The following CLNK variants were observed in gnomAD, a reference collection of about 807,000 sequenced individuals.
CLNK encodes cytokine-dependent hematopoietic cell linker.
In CLNK, 74 loss-of-function variants were observed where a neutral mutation model predicts 68.6. The observed-to-expected ratio is 1.08, with a 90% confidence interval of 0.89 to 1.31. CLNK has a LOEUF of 1.31. Ranked by LOEUF, CLNK falls within the 50% of genes most tolerant of loss-of-function variation. The probability of loss-of-function intolerance (pLI) is 0.00; values close to 1 mark genes in which losing one functional copy is unlikely to be tolerated. For missense variants in CLNK, 553 were observed against 515.3 expected, an observed-to-expected ratio of 1.07 and a Z score of -0.71; for synonymous variants, 198 against 172.2, an observed-to-expected ratio of 1.15 and a Z score of -1.17.
intron 2 of CLNK, among the ~76,000 whole-genome samples, chr4:10,634,688 C>A (rs962167418): frequency 6.6e-6 from 1 of 152,212 alleles, no homozygotes; most frequent in Non-Finnish European, 1.5e-5. Flanking sequence ...TTTTGAAATA[C>A]CTGTCACTGC....
intron 1 of CLNK, among the ~76,000 whole-genome samples, chr4:10,673,094 C>A (rs1000159035): frequency 1.3e-5 from 2 of 152,214 alleles, no homozygotes; most frequent in African/African-American, 4.8e-5. Context: ...GCATCAATTT[C>A]TCTCTCAGGT....
intron 16 of CLNK, among the ~76,000 whole-genome samples, chr4:10,508,529 C>G (rs564229338): frequency 6.6e-6 from 1 of 152,146 alleles, no homozygotes; most frequent in Non-Finnish European, 1.5e-5. Context: ...CTCCCTGGGC[C>G]GCACTGCTTT....
intron 8 of CLNK, among the ~76,000 whole-genome samples, chr4:10,548,998 GT>G (rs1187381596): frequency 6.6e-6 from 1 of 152,154 alleles, no homozygotes; most frequent in Non-Finnish European, 1.5e-5. Flanking sequence ...GGTCTTTTGT[GT>G]TACTCAGGGT....
intron 4 of CLNK, among the ~76,000 whole-genome samples, chr4:10,574,642 C>A (rs1402911479): frequency 1.3e-5 from 2 of 152,096 alleles, no homozygotes; most frequent in Non-Finnish European, 2.9e-5. Flanking sequence ...AGGAGACCAC[C>A]CCTCATATTG....
chr4:10,605,035 A>C (rs1370640359), intron 2 of CLNK, among the ~76,000 whole-genome samples: 1 of 152,238 alleles, frequency 6.6e-6, no homozygotes, highest in Non-Finnish European at 1.5e-5. Context: ...TTCCTGAACA[A>C]GAAGAAATTA....
the CLNK span, among the ~76,000 whole-genome samples, chr4:10,725,860 A>C: frequency 6.6e-6 from 1 of 151,818 alleles, no homozygotes; most frequent in Admixed American, 6.6e-5. Context: ...TCTAAAAAAA[A>C]AAAAGAAAAA....
At chr4:10,497,221 A>G (rs534387957) in intron 18 of CLNK, among the ~76,000 whole-genome samples, 2 of 152,376 alleles carry the variant, frequency 1.3e-5, no homozygotes, top group Non-Finnish European at 1.5e-5. Flanking sequence ...CAATAGATCA[A>G]ATTAGTCATT....
chr4:10,492,720 G>A (rs1014952160), intron 18 of CLNK, among the ~76,000 whole-genome samples: 2 of 152,146 alleles, frequency 1.3e-5, no homozygotes, highest in Non-Finnish European at 2.9e-5. Flanking sequence ...ATGGGGGGAG[G>A]GGGTGTGTGA....
chr4:10,734,300 G>T, the CLNK span, among the ~76,000 whole-genome samples: 14 of 152,162 alleles, frequency 9.2e-5, no homozygotes, highest in African/African-American at 3.1e-4. Context: ...TGATTGCATA[G>T]TTCCACCATT....
At chr4:10,677,837 C>CGATAAT (rs111539674) in intron 1 of CLNK, among the ~76,000 whole-genome samples, 1 of 149,170 alleles carries the variant, frequency 6.7e-6, no homozygotes, top group Middle Eastern at 3.5e-3. Context: ...ATAAAAATAG[C>CGATAAT]AATAATAATA....
chr4:10,566,035 C>T lies in CLNK; in HGVS notation c.266G>A (p.Arg89Gln), dbSNP rs375007582. Reference sequence around the variant, plus strand: ...TGCATATTCAGATTCCTTTATAGGCCGGGCTGGTAAAATTTTAATCGACTG... The same window carrying T: ...TGCATATTCAGATTCCTTTATAGGCTGGGCTGGTAAAATTTTAATCGACTG... ...TWQSIKILPA[R>Q]PIKESEYADT... The change falls in exon 6 of 19, where the codon CGG becomes CAG. Residue 89 changes from arginine to glutamine, a missense_variant. By Grantham distance (43) the Arg-to-Gln change is conservative. Transcript: ENST00000226951. 63 of 1,613,654 alleles carry T rather than the reference C, an allele frequency of 3.9e-5. 1 individual carries two copies. The Admixed American group carries it at 4.7e-4, about 12-fold the overall frequency.
At chr4:10,607,695 T>G (rs1721841442) in intron 2 of CLNK, among the ~76,000 whole-genome samples, 1 of 152,202 alleles carries the variant, frequency 6.6e-6, no homozygotes, top group South Asian at 2.1e-4. Flanking sequence ...GAGGGTCCTA[T>G]ACATCTTGTC....
Position 10,571,702 on chromosome 4 carries a change from A to G in CLNK, c.150+39T>C, listed in dbSNP as rs1196105617. 2.0e-6 allele frequency: 3 copies of G among 1,533,838 alleles called. No homozygotes were observed. In the Admixed American group the frequency reaches 5.0e-5, roughly 26 times the overall value. On this transcript the variant is annotated intron_variant, in intron 5 of 18. Coordinates refer to ENST00000226951, the MANE Select transcript of CLNK (RefSeq NM_052964.4). ...TCAAATTCACCTGCTTTGCAATATT[A>G]AAGACGTATAAAATAGATAAGGGAA...
the CLNK span, among the ~76,000 whole-genome samples, chr4:10,729,215 A>T: frequency 6.6e-6 from 1 of 152,078 alleles, no homozygotes; most frequent in Non-Finnish European, 1.5e-5. Flanking sequence ...ATTGTCTTTT[A>T]CTGGTCTTAC....
intron 2 of CLNK, among the ~76,000 whole-genome samples, chr4:10,652,831 C>T (rs1229328838): frequency 6.6e-6 from 1 of 152,134 alleles, no homozygotes; most frequent in African/African-American, 2.4e-5. Context: ...TTTTCATGCA[C>T]ACATGGAATA....
intron 16 of CLNK, among the ~76,000 whole-genome samples, chr4:10,509,801 C>T (rs917268850): frequency 6.6e-6 from 1 of 152,194 alleles, no homozygotes; most frequent in African/African-American, 2.4e-5. Flanking sequence ...GCTGGGGTTA[C>T]AGGTGTGAGT....
chr4:10,654,434 CCT>C (rs1156697839), intron 2 of CLNK, among the ~76,000 whole-genome samples: 2 of 99,350 alleles, frequency 2.0e-5, no homozygotes, highest in Non-Finnish European at 4.8e-5. Context: ...GAGTCTTTAA[CCT>C]GATATTCAAA....
At chr4:10,633,600 A>G (rs1159139510) in intron 2 of CLNK, among the ~76,000 whole-genome samples, 1 of 152,208 alleles carries the variant, frequency 6.6e-6, no homozygotes, top group Non-Finnish European at 1.5e-5. Context: ...GCCTAGAACC[A>G]ATGCTCGTAG....
intron 15 of CLNK, among the ~76,000 whole-genome samples, chr4:10,514,612 A>G (rs576999785): frequency 1.3e-3 from 187 of 149,146 alleles, no homozygotes; most frequent in African/African-American, 4.5e-3. Context: ...AAGATGGATT[A>G]AAGATTTAAA....
Sources: gnomAD v4.1 joint callset for allele counts (sites outside exome capture counted in the v4.1 genomes callset) on GRCh38, gnomAD v4.1.1 for gene constraint, MANE v1.5 for transcripts, NCBI Gene and HGNC (gene_info 2026-07-23, HGNC 2026-07-21) for gene names.